Variants in GRIA4 observed in about 807,000 individuals in gnomAD.
GRIA4 encodes glutamate ionotropic receptor AMPA type subunit 4.
In GRIA4, 34 loss-of-function variants were observed where a neutral mutation model predicts 104.0. That is an observed-to-expected ratio of 0.33 (90% CI 0.25 to 0.44). GRIA4 has a LOEUF of 0.44. Among genes scored for constraint, GRIA4 ranks in the 20% least tolerant of loss-of-function variants. GRIA4 has a pLI of 1.00. For missense variants in GRIA4, 750 were observed against 1,096.5 expected (o/e 0.68, Z 4.46); for synonymous variants, 386 against 381.9 (o/e 1.01, Z -0.13).
At chr11:105,927,334 G>A (rs572090545) in intron 13 of GRIA4, among the ~76,000 whole-genome samples, 25 of 152,156 alleles carry the variant, frequency 1.6e-4, no homozygotes, top group Admixed American at 1.4e-3. Context: ...AACTTGCTGC[G>A]TTTGAAACAC....
At chr11:105,748,766 T>G (rs890848180) in intron 3 of GRIA4, among the ~76,000 whole-genome samples, 2 of 152,098 alleles carry the variant, frequency 1.3e-5, no homozygotes, top group African/African-American at 4.8e-5. Context: ...AGACTCCAAT[T>G]CTGAATGGGG....
chr11:105,725,890 T>G (rs929217597), intron 3 of GRIA4, among the ~76,000 whole-genome samples: 3 of 152,152 alleles, frequency 2.0e-5, no homozygotes, highest in African/African-American at 4.8e-5. Context: ...CCATGGTCTT[T>G]GCAACCCACA....
chr11:105,715,524 T>A (rs2135559786), intron 3 of GRIA4, among the ~76,000 whole-genome samples: 1 of 152,184 alleles, frequency 6.6e-6, no homozygotes, highest in Admixed American at 6.5e-5. Context: ...CAGGAAGAGG[T>A]CATTAATATC....
At chr11:105,887,434 A>C in intron 5 of GRIA4, 85 bp from the exon 6 acceptor site, 1 of 625,092 alleles carries the variant, frequency 1.6e-6, no homozygotes. Context: ...TTCTACATGG[A>C]ATTATGCTAA....
At chr11:105,865,950 C>T (rs1306373566) in intron 5 of GRIA4, among the ~76,000 whole-genome samples, 2 of 152,078 alleles carry the variant, frequency 1.3e-5, no homozygotes, top group African/African-American at 2.4e-5. Context: ...TTAGTGAAAC[C>T]CTATTCCCAT....
Position 105,666,682 on chromosome 11 carries a change from T to C in GRIA4, c.247+54248T>C, listed in dbSNP as rs1477972492. The stretch of plus-strand genomic sequence containing the variant: ...CTTTTTTGAAGTATTTATAAAAGAA[T>C]AGCTAAATACACGTTGTGGTTAACT... On this transcript the variant is annotated intron_variant, in intron 3 of 16. Transcript: ENST00000282499. Among the ~76,000 whole-genome samples the C allele has an allele frequency of 3.9e-5, 6 of 152,040 alleles. 1 individual carries two copies. The highest frequency in any genetic ancestry group is 2.6e-4 in the Admixed American group (4 of 15,216).
At chr11:105,683,328 A>G (rs1433108811) in intron 3 of GRIA4, among the ~76,000 whole-genome samples, 4 of 151,786 alleles carry the variant, frequency 2.6e-5, no homozygotes, top group Non-Finnish European at 4.4e-5. Context: ...CTCTGTTTAT[A>G]TGCAGAATTA....
intron 13 of GRIA4, among the ~76,000 whole-genome samples, chr11:105,929,186 C>T (rs954301732): frequency 6.6e-6 from 1 of 151,972 alleles, no homozygotes; most frequent in Non-Finnish European, 1.5e-5. Flanking sequence ...TTTAAATAAA[C>T]CATTTGTCTG....
intron 3 of GRIA4, among the ~76,000 whole-genome samples, chr11:105,751,563 AT>A (rs1161566086): frequency 6.6e-6 from 1 of 152,210 alleles, no homozygotes; most frequent in East Asian, 1.9e-4. Flanking sequence ...CTTGGTGAGC[AT>A]AGAATTAGTT....
chr11:105,645,837 GA>G (rs1951510961), intron 3 of GRIA4, among the ~76,000 whole-genome samples: 1 of 152,116 alleles, frequency 6.6e-6, no homozygotes, highest in Admixed American at 6.6e-5. Flanking sequence ...ACCTAGAGCA[GA>G]AAAAATTTGC....
rs1179464178 is a variant in GRIA4, at chr11:105,942,071, A to AT, written c.2294+8109dup. Among the ~76,000 whole-genome samples the AT allele has an allele frequency of 2.6e-5, 4 of 152,096 alleles. No individual in the cohort carries two copies. The South Asian group carries it at 6.2e-4, about 24-fold the overall frequency. On this transcript the variant is annotated intron_variant, in intron 14 of 16. Transcript: ENST00000282499. ...CTAGTGCCTTTAGCATAAAAAGTAA[A>AT]TTTTTTTCTTAAAAAGCATGAGGAA...
chr11:105,760,990 T>G (rs1940609248), intron 4 of GRIA4, among the ~76,000 whole-genome samples: 1 of 150,918 alleles, frequency 6.6e-6, no homozygotes, highest in Non-Finnish European at 1.5e-5. Context: ...GCAAGACCTA[T>G]GTCAGAGGTT....
intron 4 of GRIA4, among the ~76,000 whole-genome samples, chr11:105,834,203 T>C (rs571118433): frequency 2.0e-5 from 3 of 152,186 alleles, no homozygotes; most frequent in South Asian, 2.1e-4. Flanking sequence ...CTAAAATACA[T>C]AGAGATACAT....
At chr11:105,636,646 G>A (rs576137796) in intron 3 of GRIA4, among the ~76,000 whole-genome samples, 1 of 152,238 alleles carries the variant, frequency 6.6e-6, no homozygotes, top group East Asian at 1.9e-4. Flanking sequence ...ATTTAATGCA[G>A]CCATATGGTG....
chr11:105,881,229 C>G (rs1946044960), intron 5 of GRIA4, among the ~76,000 whole-genome samples: 1 of 152,122 alleles, frequency 6.6e-6, no homozygotes, highest in Non-Finnish European at 1.5e-5. Flanking sequence ...GTACCAACTC[C>G]TCTCAGGAAT....
chr11:105,752,303 C>T (rs889798256), intron 3 of GRIA4, among the ~76,000 whole-genome samples: 2 of 151,986 alleles, frequency 1.3e-5, no homozygotes, highest in African/African-American at 4.8e-5. Context: ...CTTTGCTTTT[C>T]GGCCCGCCTA....
chr11:105,687,365 T>G (rs1368107539), intron 3 of GRIA4, among the ~76,000 whole-genome samples: 3 of 152,186 alleles, frequency 2.0e-5, no homozygotes, highest in South Asian at 4.1e-4. Flanking sequence ...ATTATTAAAT[T>G]GCCTAGTGCT....
intron 4 of GRIA4, among the ~76,000 whole-genome samples, chr11:105,769,643 A>G (rs1218439109): frequency 6.6e-6 from 1 of 152,010 alleles, no homozygotes; most frequent in Admixed American, 6.6e-5. Context: ...ATTTTAAAGT[A>G]CCCATAGTGA....
At chr11:105,862,498 G>A (rs7933212) in intron 5 of GRIA4, 51,846 of 211,922 alleles carry the variant, frequency 0.24, 8,452 homozygotes, top group African/African-American at 0.5. Context: ...TCCAGTTTTC[G>A]AAAATATTAA....
Sources: allele counts gnomAD v4.1 joint callset (sites outside exome capture counted in the v4.1 genomes callset), GRCh38; gene constraint gnomAD v4.1.1; transcripts MANE v1.5; gene names NCBI Gene and HGNC (gene_info 2026-07-23, HGNC 2026-07-21).